The following ARHGEF26 variants were observed in gnomAD, a reference collection of about 807,000 sequenced individuals.
ARHGEF26 encodes Rho guanine nucleotide exchange factor (GEF) 26.
Under a neutral mutation model 89.4 loss-of-function variants are expected in ARHGEF26, and 59 were observed. The ratio of observed to expected loss-of-function variants is 0.66; its 90% CI spans 0.54 to 0.82. The LOEUF is 0.82. Ranked by LOEUF, ARHGEF26 falls within the 40% of genes least tolerant of loss-of-function variation. The probability of loss-of-function intolerance (pLI) is 0.00; values close to 1 mark genes in which losing one functional copy is unlikely to be tolerated. For missense variants in ARHGEF26, 1,234 were observed against 1,085.6 expected (o/e 1.14, Z -1.92); for synonymous variants, 500 against 428.4 (o/e 1.17, Z -2.06).
chr3:154,124,113 A>T (rs1057278254), intron 2 of ARHGEF26, among the ~76,000 whole-genome samples: 1 of 152,200 alleles, frequency 6.6e-6, no homozygotes, highest in African/African-American at 2.4e-5. Flanking sequence ...TTTAACAGTG[A>T]TGGTGAATCA....
At chr3:154,235,278 G>A (rs1008082172) in intron 11 of ARHGEF26, among the ~76,000 whole-genome samples, 4 of 152,048 alleles carry the variant, frequency 2.6e-5, no homozygotes, top group Non-Finnish European at 2.9e-5. Flanking sequence ...TTCTAAAGTT[G>A]TTTAAGGTTA....
At chr3:154,138,766 T>A (rs1719177411) in intron 4 of ARHGEF26, among the ~76,000 whole-genome samples, 2 of 152,188 alleles carry the variant, frequency 1.3e-5, no homozygotes, top group African/African-American at 4.8e-5. Flanking sequence ...TGAGAGAGAT[T>A]GATGAATTCA....
chr3:154,171,557 G>A (rs1310521263), intron 6 of ARHGEF26, among the ~76,000 whole-genome samples: 1 of 152,098 alleles, frequency 6.6e-6, no homozygotes. Flanking sequence ...GACAACCAGT[G>A]ATCTTTTTTA....
intron 6 of ARHGEF26, among the ~76,000 whole-genome samples, chr3:154,163,929 CT>C (rs2108123010): frequency 6.6e-6 from 1 of 152,138 alleles, no homozygotes; most frequent in Admixed American, 6.5e-5. Context: ...TGTCTATGTA[CT>C]TTCCTCAGAT....
intron 4 of ARHGEF26, among the ~76,000 whole-genome samples, chr3:154,135,315 G>T (rs1280630122): frequency 2.6e-5 from 4 of 152,126 alleles, no homozygotes; most frequent in South Asian, 2.1e-4. Flanking sequence ...GAGGGTATAT[G>T]TGTTCACGAA....
chr3:154,121,836 C>A (rs1007905573), intron 1 of ARHGEF26, 106 bp from the exon 2 acceptor site: 2 of 1,022,988 alleles, frequency 2.0e-6, no homozygotes, highest in African/African-American at 1.6e-5. Context: ...GCGGTGCAGT[C>A]GTGTCCTGCG....
intron 11 of ARHGEF26, 143 bp downstream of exon 11, chr3:154,226,153 G>T: frequency 1.4e-6 from 1 of 710,580 alleles, no homozygotes; most frequent in African/African-American, 1.8e-5. Context: ...TGCATCTATG[G>T]TTCATTTTCT....
chr3:154,128,994 G>C (rs778541044), intron 3 of ARHGEF26, among the ~76,000 whole-genome samples: 10 of 152,032 alleles, frequency 6.6e-5, no homozygotes, highest in Non-Finnish European at 1.5e-4. Flanking sequence ...GTCTATTATT[G>C]TATTTCACGT....
At chr3:154,124,372 CTTTTT>C (rs10688646) in intron 2 of ARHGEF26, 33 bp from the exon 3 acceptor site, 15 of 1,007,684 alleles carry the variant, frequency 1.5e-5, no homozygotes, top group Admixed American at 4.2e-5. Flanking sequence ...TTTGCTTTTC[CTTTTT>C]TTTTTTTTTT....
chr3:154,153,960 T>G (rs189522958), intron 6 of ARHGEF26, among the ~76,000 whole-genome samples: 2 of 152,228 alleles, frequency 1.3e-5, no homozygotes, highest in Admixed American at 6.6e-5. Context: ...TCATTTGTTC[T>G]GTAGAATTTC....
chr3:154,164,332 A>G (rs1030961976), intron 6 of ARHGEF26, among the ~76,000 whole-genome samples: 21 of 152,078 alleles, frequency 1.4e-4, no homozygotes, highest in Non-Finnish European at 2.2e-4. Context: ...ACCATTCTCT[A>G]ATTGTTTTAA....
intron 4 of ARHGEF26, among the ~76,000 whole-genome samples, chr3:154,137,315 A>G (rs1265229652): frequency 6.6e-6 from 1 of 152,158 alleles, no homozygotes; most frequent in Non-Finnish European, 1.5e-5. Flanking sequence ...TCCTTGCCAT[A>G]TGATACCCTG....
At chr3:154,126,599 A>G (rs1718345656) in intron 3 of ARHGEF26, among the ~76,000 whole-genome samples, 1 of 152,212 alleles carries the variant, frequency 6.6e-6, no homozygotes, top group Non-Finnish European at 1.5e-5. Flanking sequence ...AAGAAATGCT[A>G]TCATGACAGT....
intron 11 of ARHGEF26, among the ~76,000 whole-genome samples, chr3:154,229,114 T>C (rs1275716068): frequency 2.0e-5 from 3 of 152,364 alleles, no homozygotes; most frequent in South Asian, 4.1e-4. Flanking sequence ...CTTGTGCTTG[T>C]AAAGCTGGCT....
chr3:154,153,506 C>T (rs1358310148), intron 6 of ARHGEF26, among the ~76,000 whole-genome samples: 1 of 151,894 alleles, frequency 6.6e-6, no homozygotes, highest in African/African-American at 2.4e-5. Flanking sequence ...TATAAATGCT[C>T]CAGTATTCAG....
At chr3:154,230,016 T>C (rs1006993476) in intron 11 of ARHGEF26, among the ~76,000 whole-genome samples, 8 of 152,232 alleles carry the variant, frequency 5.3e-5, no homozygotes, top group African/African-American at 1.9e-4. Flanking sequence ...ATACTGTTGT[T>C]CCTAGTTTTG....
chr3:154,207,854 C>A (rs2108225504), intron 9 of ARHGEF26, among the ~76,000 whole-genome samples: 1 of 152,276 alleles, frequency 6.6e-6, no homozygotes, highest in Non-Finnish European at 1.5e-5. Context: ...GTTAAGTGCC[C>A]ATCAGTGATA....
chr3:154,214,101 A>G (rs1262063919), intron 9 of ARHGEF26, among the ~76,000 whole-genome samples: 1 of 152,186 alleles, frequency 6.6e-6, no homozygotes, highest in Non-Finnish European at 1.5e-5. Context: ...GACACAGCAT[A>G]TGCATCCAAC....
chr3:154,177,663 G>T (rs1256483563), intron 6 of ARHGEF26, among the ~76,000 whole-genome samples: 1 of 152,134 alleles, frequency 6.6e-6, no homozygotes, highest in Non-Finnish European at 1.5e-5. Flanking sequence ...TTTAGGGTCT[G>T]CCAATTTGGG....
Sources: gnomAD v4.1 joint callset for allele counts (sites outside exome capture counted in the v4.1 genomes callset) on GRCh38, gnomAD v4.1.1 for gene constraint, MANE v1.5 for transcripts, NCBI Gene and HGNC (gene_info 2026-07-23, HGNC 2026-07-21) for gene names.